Variants in ZNF618 observed in about 807,000 individuals in gnomAD.
ZNF618 encodes neural precursor cell expressed, developmentally down-regulated 10.
A neutral mutation model predicts 103.0 loss-of-function variants in ZNF618; 34 were observed. The observed-to-expected ratio is 0.33, with a 90% CI of 0.25 to 0.44. ZNF618 has a LOEUF of 0.44. Ranked by LOEUF, ZNF618 falls within the 20% of genes least tolerant of loss-of-function variation. The pLI, the probability that ZNF618 is intolerant of heterozygous loss-of-function variation, is 1.00. For synonymous variants in ZNF618, 551 were observed against 542.2 expected (o/e 1.02, Z -0.23); for missense variants, 1,059 against 1,295.4 (o/e 0.82, Z 2.80).
At chr9:114,005,179 C>G (rs1264299072) in intron 6 of ZNF618, among the ~76,000 whole-genome samples, 1 of 152,120 alleles carries the variant, frequency 6.6e-6, no homozygotes, top group Non-Finnish European at 1.5e-5. Flanking sequence ...GCACTTATAC[C>G]TGGTAGAGTT....
At chr9:113,878,014 C>T (rs1003621211) in intron 1 of ZNF618, among the ~76,000 whole-genome samples, 6 of 151,818 alleles carry the variant, frequency 4.0e-5, no homozygotes, top group Non-Finnish European at 7.4e-5. Flanking sequence ...GTCTTGTTCA[C>T]CCTTCCAATT....
intron 11 of ZNF618, 26 bp from the exon 12 acceptor site, chr9:114,032,619 C>T (rs768893413): frequency 1.2e-6 from 2 of 1,611,734 alleles, no homozygotes; most frequent in Admixed American, 1.7e-5. Context: ...CCATTGTTTT[C>T]TTTCTCTCTC....
Position 114,028,910 on chromosome 9 carries a change from C to A in ZNF618, c.1022C>A (p.Ala341Asp), listed in dbSNP as rs966361105. The part of the protein sequence containing the change: ...CATLLHRTPP[A>D]TQTQTFRTPN... ...ACCCTCTTACACCGCACCCCTCCAG[C>A]CACCCAAACCCAGACGTTCCGCACT... Residue 341 changes from alanine to aspartate, a missense_variant, in exon 11 of 15, where the codon GCC becomes GAC. Around this residue, in one of 6 missense-constraint regions of ZNF618, gnomAD observed 434 missense variants for 476.0 expected, o/e 0.91. Coordinates refer to ENST00000374126, the MANE Select transcript of ZNF618 (RefSeq NM_001318042.2). 3.2e-6 allele frequency: 5 copies of A among 1,550,556 alleles called. No homozygotes were observed. In the East Asian group the frequency reaches 9.8e-5, roughly 30 times the overall value.
At chr9:114,030,536 A>G (rs1365325043) in intron 11 of ZNF618, among the ~76,000 whole-genome samples, 1 of 152,142 alleles carries the variant, frequency 6.6e-6, no homozygotes, top group Non-Finnish European at 1.5e-5. Flanking sequence ...GTCTCTGAGT[A>G]GGCATTCAGC....
At chr9:113,971,882 C>G (rs987095505) in intron 2 of ZNF618, among the ~76,000 whole-genome samples, 1 of 152,136 alleles carries the variant, frequency 6.6e-6, no homozygotes, top group Non-Finnish European at 1.5e-5. Context: ...GACTGAGCCC[C>G]TGTGTTACTA....
intron 1 of ZNF618, among the ~76,000 whole-genome samples, chr9:113,930,173 C>T (rs954761801): frequency 6.6e-6 from 1 of 152,132 alleles, no homozygotes; most frequent in African/African-American, 2.4e-5. Context: ...GAAATTGCCT[C>T]GCTTCTGGAA....
intron 5 of ZNF618, 86 bp from the exon 6 acceptor site, chr9:114,002,538 G>T: frequency 6.9e-7 from 1 of 1,456,662 alleles, no homozygotes; most frequent in Non-Finnish European, 9.5e-7. Context: ...TTCCCCTGTG[G>T]CTTCCATGTT....
rs1477867515 is a variant in ZNF618, at chr9:114,053,496, GCCT to G, written c.*3330_*3332del. 6.6e-6 allele frequency: 1 copy of G among 152,198 alleles called. No homozygotes were observed. Among genetic ancestry groups the G allele is most frequent in the African/African-American group, 2.4e-5 (1 of 41,430 alleles). The allele number at this position is 152,198 out of a possible 1,614,324, so 9.4% of individuals were successfully genotyped here. ...CCATGTGGTCCCCAGGACAGAAATG[GCCT>G]TTGTTTTGACATACATGGACCCAAA... On this transcript the variant is annotated 3_prime_UTR_variant, in exon 15 of 15. Transcript: ENST00000374126.
intron 1 of ZNF618, among the ~76,000 whole-genome samples, chr9:113,950,107 GAGAA>G (rs754499524): frequency 9.2e-5 from 14 of 152,184 alleles, no homozygotes; most frequent in Non-Finnish European, 1.5e-4. Flanking sequence ...GAAAAACAAA[GAGAA>G]AGAGGCTTCA....
At chr9:113,891,812 A>G (rs1240274212) in intron 1 of ZNF618, among the ~76,000 whole-genome samples, 4 of 152,222 alleles carry the variant, frequency 2.6e-5, no homozygotes, top group Non-Finnish European at 5.9e-5. Flanking sequence ...TTGTACATTT[A>G]AAAATGGTTA....
chr9:113,997,808 C>T (rs1840764749), intron 3 of ZNF618, among the ~76,000 whole-genome samples: 2 of 152,150 alleles, frequency 1.3e-5, no homozygotes, highest in South Asian at 4.2e-4. Flanking sequence ...GCGTGCTGGG[C>T]AGGGAGCCAG....
chr9:113,910,259 G>T (rs776327734), intron 1 of ZNF618, among the ~76,000 whole-genome samples: 2 of 152,168 alleles, frequency 1.3e-5, no homozygotes, highest in Non-Finnish European at 2.9e-5. Flanking sequence ...GTAGGGTGCA[G>T]GATGAGTCTC....
At chr9:113,983,456 T>C (rs1422014533) in intron 2 of ZNF618, among the ~76,000 whole-genome samples, 2 of 151,810 alleles carry the variant, frequency 1.3e-5, no homozygotes, top group Non-Finnish European at 2.9e-5. Flanking sequence ...GGGCATCACG[T>C]TTAAGGGAGT....
At chr9:113,970,006 CT>C (rs747849560) in intron 2 of ZNF618, among the ~76,000 whole-genome samples, 2 of 152,076 alleles carry the variant, frequency 1.3e-5, no homozygotes, top group Non-Finnish European at 1.5e-5. Flanking sequence ...CTGTGGAACA[CT>C]AGTTCTTTAA....
chr9:113,876,987 A>G (rs1828016375), intron 1 of ZNF618, among the ~76,000 whole-genome samples: 1 of 152,004 alleles, frequency 6.6e-6, no homozygotes, highest in South Asian at 2.1e-4. Context: ...TGTAAATAAA[A>G]AAGAAATTAA....
chr9:113,951,573 G>A (rs376488118), intron 1 of ZNF618, among the ~76,000 whole-genome samples: 28,382 of 52,818 alleles, frequency 0.54, 10,198 homozygotes, highest in East Asian at 0.8. Flanking sequence ...ATGTGTGTGT[G>A]TATATGTGTG....
intron 10 of ZNF618, among the ~76,000 whole-genome samples, chr9:114,019,103 A>G (rs1039379205): frequency 6.6e-6 from 1 of 152,220 alleles, no homozygotes; most frequent in Admixed American, 6.5e-5. Context: ...TAGAATCTAT[A>G]TTCTTTTATG....
intron 10 of ZNF618, among the ~76,000 whole-genome samples, chr9:114,025,058 G>C (rs1475614100): frequency 6.6e-6 from 1 of 152,170 alleles, no homozygotes; most frequent in African/African-American, 2.4e-5. Context: ...TCACAGTTCT[G>C]CACCACCTTT....
Position 114,053,553 on chromosome 9 carries a change from C to G in ZNF618, c.*3386C>G, listed in dbSNP as rs1454578382. 6.6e-6 allele frequency: 1 copy of G among 152,270 alleles called. No individual in the cohort carries two copies. The highest frequency in any genetic ancestry group is 1.5e-5 in the Non-Finnish European group (1 of 68,072). The allele number at this position is 152,270 out of a possible 1,614,324, so 9.4% of individuals were successfully genotyped here. On this transcript the variant is annotated 3_prime_UTR_variant, in exon 15 of 15. Coordinates refer to ENST00000374126, the MANE Select transcript of ZNF618 (RefSeq NM_001318042.2). ...GGAGGTGAAGAAAACACACCTCCAC[C>G]TGGCAAGTTTTTCTCCCTCATCTGA...
Sources: gnomAD v4.1 joint callset for allele counts (sites outside exome capture counted in the v4.1 genomes callset) on GRCh38, gnomAD v4.1.1 for gene constraint, gnomAD v4.1.1 regional missense constraint, MANE v1.5 for transcripts, NCBI Gene and HGNC (gene_info 2026-07-23, HGNC 2026-07-21) for gene names.